Variants in UBXN4 observed in about 807,000 individuals in gnomAD.
UBXN4 encodes UBX domain protein 4, also known as UBX domain-containing protein 4.
In UBXN4, 35 loss-of-function variants were observed where a neutral mutation model predicts 66.2. That is an observed-to-expected ratio of 0.53 (90% CI 0.40 to 0.70). The LOEUF (loss-of-function observed/expected upper bound fraction) is 0.70. Among genes scored for constraint, UBXN4 ranks in the 30% least tolerant of loss-of-function variants. UBXN4 has a pLI of 0.00. For synonymous variants in UBXN4, 203 were observed against 204.5 expected (o/e 0.99, Z 0.06); for missense variants, 533 against 599.8 (o/e 0.89, Z 1.16).
intron 3 of UBXN4, 34 bp downstream of exon 3, chr2:135,753,601 A>C (rs776300543): frequency 6.9e-7 from 1 of 1,443,938 alleles, no homozygotes; most frequent in East Asian, 2.6e-5. Context: ...TTATATATAT[A>C]CATTTATTTA....
rs768515775 is a variant in UBXN4 at position 135,769,811 on chromosome 2, A to G, written c.645A>G (p.Lys215=). Residue 215 remains lysine, a synonymous_variant, in exon 7 of 13, where the codon AAA becomes AAG. Transcript: ENST00000272638. ...AAGAAAGGAGAGAAGAGAAAAGAAA[A>G]GAGGAAGAACAGGTAAAGTTCATGC... ...KLEERREEKR[K]EEEQREIKKE... The G allele has an allele frequency of 6.2e-7, 1 of 1,600,186 alleles. No individual in the cohort carries two copies. Among genetic ancestry groups the G allele is most frequent in the South Asian group, 1.1e-5 (1 of 87,902 alleles).
intron 1 of UBXN4, among the ~76,000 whole-genome samples, chr2:135,743,143 A>G (rs1301041043): frequency 1.3e-5 from 2 of 152,216 alleles, no homozygotes; most frequent in Non-Finnish European, 2.9e-5. Context: ...TAATAGCTCT[A>G]TAACTTTATG....
chr2:135,774,673 C>T (rs995812452), intron 9 of UBXN4, among the ~76,000 whole-genome samples: 1 of 151,906 alleles, frequency 6.6e-6, no homozygotes, highest in Non-Finnish European at 1.5e-5. Flanking sequence ...GGCAAAAAAC[C>T]GTCCCTACTA....
At chr2:135,755,408 C>T (rs921474797) in intron 4 of UBXN4, 109 bp from the exon 5 acceptor site, 18 of 795,126 alleles carry the variant, frequency 2.3e-5, no homozygotes, top group Admixed American at 2.1e-4. Context: ...ATGAGCATTT[C>T]GTATTTCTCT....
At chr2:135,779,247 T>C (rs2077435831) in intron 11 of UBXN4, among the ~76,000 whole-genome samples, 168 bp downstream of exon 11, 1 of 152,240 alleles carries the variant, frequency 6.6e-6, no homozygotes, top group Admixed American at 6.5e-5. Context: ...CTGTGCTTTA[T>C]TTGTATTGCT....
intron 2 of UBXN4, among the ~76,000 whole-genome samples, chr2:135,750,631 T>C (rs912478494): frequency 2.0e-5 from 3 of 152,140 alleles, no homozygotes; most frequent in African/African-American, 7.2e-5. Context: ...CTCACAACAG[T>C]TACTGAACTA....
At chr2:135,772,391 G>A (rs1375818362) in intron 8 of UBXN4, 29 bp from the exon 9 acceptor site, 3 of 1,608,276 alleles carry the variant, frequency 1.9e-6, no homozygotes, top group Non-Finnish European at 2.6e-6. Flanking sequence ...TGGCAGTAAA[G>A]GTAATTGGTA....
intron 4 of UBXN4, 63 bp from the exon 5 acceptor site, chr2:135,755,454 C>T: frequency 7.4e-7 from 1 of 1,357,448 alleles, no homozygotes; most frequent in Non-Finnish European, 9.6e-7. Flanking sequence ...ATTTTGGTCT[C>T]TACTGCCATG....
intron 1 of UBXN4, among the ~76,000 whole-genome samples, chr2:135,746,237 A>G (rs539143128): frequency 6.6e-6 from 1 of 152,252 alleles, no homozygotes; most frequent in Non-Finnish European, 1.5e-5. Context: ...AATATATGCA[A>G]ATAAACAGCA....
chr2:135,770,807 T>A (rs1240888427), intron 8 of UBXN4, 72 bp downstream of exon 8: 1 of 1,295,500 alleles, frequency 7.7e-7, no homozygotes, highest in Non-Finnish European at 9.9e-7. Flanking sequence ...ACTACCAGAC[T>A]GTGCACACAA....
chr2:135,759,728 AGTT>A (rs1460597098), intron 5 of UBXN4, among the ~76,000 whole-genome samples: 1 of 146,400 alleles, frequency 6.8e-6, no homozygotes, highest in Non-Finnish European at 1.5e-5. Flanking sequence ...GATTTTTATC[AGTT>A]GTTTTAGCTT....
intron 8 of UBXN4, among the ~76,000 whole-genome samples, 190 bp downstream of exon 8, chr2:135,770,925 T>C (rs537764196): frequency 6.6e-6 from 1 of 152,262 alleles, no homozygotes; most frequent in Non-Finnish European, 1.5e-5. Context: ...TTTTTTGAAG[T>C]GATTTTTATT....
At chr2:135,772,895 G>A (rs1471524227) in intron 9 of UBXN4, among the ~76,000 whole-genome samples, 1 of 152,090 alleles carries the variant, frequency 6.6e-6, no homozygotes, top group African/African-American at 2.4e-5. Flanking sequence ...AAATTAGCTG[G>A]GCATGGTGGC....
intron 1 of UBXN4, among the ~76,000 whole-genome samples, chr2:135,746,160 C>G (rs2077206602): frequency 1.3e-5 from 2 of 152,050 alleles, no homozygotes; most frequent in African/African-American, 4.8e-5. Flanking sequence ...TGCCCGACCC[C>G]GTTTACTTTT....
chr2:135,751,661 T>TGC (rs2077242603), intron 2 of UBXN4, among the ~76,000 whole-genome samples: 1 of 151,382 alleles, frequency 6.6e-6, no homozygotes, highest in Non-Finnish European at 1.5e-5. Context: ...ATCATTTTAG[T>TGC]GTGTATGTAT....
At chr2:135,746,930 A>G (rs1339681320) in intron 1 of UBXN4, among the ~76,000 whole-genome samples, 1 of 152,008 alleles carries the variant, frequency 6.6e-6, no homozygotes, top group African/African-American at 2.4e-5. Context: ...ACTTAGCAGG[A>G]AGACCAATTT....
intron 12 of UBXN4, among the ~76,000 whole-genome samples, chr2:135,780,826 G>A (rs1011709990): frequency 1.3e-5 from 2 of 152,116 alleles, no homozygotes; most frequent in East Asian, 1.9e-4. Flanking sequence ...TTTATCTACC[G>A]GCTGACAGCC....
At chr2:135,781,524 A>G (rs746966160) in intron 12 of UBXN4, among the ~76,000 whole-genome samples, 5 of 152,208 alleles carry the variant, frequency 3.3e-5, no homozygotes, top group Non-Finnish European at 5.9e-5. Flanking sequence ...TGCCCTCAGT[A>G]TGGAGAAGCC....
chr2:135,750,790 A>C (rs1015113587), intron 2 of UBXN4, among the ~76,000 whole-genome samples: 2 of 148,670 alleles, frequency 1.3e-5, no homozygotes, highest in Non-Finnish European at 3.0e-5. Flanking sequence ...GCAATACATG[A>C]GAATTCCAGA....
Sources: allele counts gnomAD v4.1 joint callset (sites outside exome capture counted in the v4.1 genomes callset), GRCh38; gene constraint gnomAD v4.1.1; transcripts MANE v1.5; gene names NCBI Gene and HGNC (gene_info 2026-07-23, HGNC 2026-07-21).